The following UPF1 variants were observed in gnomAD, a reference collection of about 807,000 sequenced individuals.
UPF1 encodes the protein UPF1 RNA helicase and ATPase, also known as regulator of nonsense transcripts 1.
Under a neutral mutation model 129.2 loss-of-function variants are expected in UPF1, and 9 were observed. That is an observed-to-expected ratio of 0.07 (90% CI 0.04 to 0.12). The LOEUF (loss-of-function observed/expected upper bound fraction) is 0.12. UPF1 is among the 10% of genes least tolerant of loss of function. The probability of loss-of-function intolerance (pLI) is 1.00; values close to 1 mark genes in which losing one functional copy is unlikely to be tolerated. For missense variants in UPF1, 788 were observed against 1,525.3 expected (o/e 0.52, Z 8.05); for synonymous variants, 649 against 644.9 (o/e 1.01, Z -0.10).
chr19:18,855,418 A>G, intron 11 of UPF1, 176 bp downstream of exon 11: 1 of 727,414 alleles, frequency 1.4e-6, no homozygotes, highest in East Asian at 2.7e-5. Context: ...CTCCAACCTT[A>G]GGATTGCATT....
chr19:18,834,393 CTGGCATTCCGTT>C (rs1281671505), intron 1 of UPF1, among the ~76,000 whole-genome samples: 16 of 152,314 alleles, frequency 1.1e-4, no homozygotes, highest in Admixed American at 9.8e-4. Context: ...GCTTTTGTTT[CTGGCATTCCGTT>C]TGGGATTAAT....
intron 14 of UPF1, 66 bp downstream of exon 14, chr19:18,857,086 A>G (rs2055727138): frequency 1.3e-6 from 2 of 1,569,392 alleles, no homozygotes; most frequent in Non-Finnish European, 1.7e-6. Flanking sequence ...TTTGTCTTTT[A>G]AAACACCTTG....
At chr19:18,841,244 C>CT (rs908300286) in intron 1 of UPF1, among the ~76,000 whole-genome samples, 1 of 151,712 alleles carries the variant, frequency 6.6e-6, no homozygotes, top group Non-Finnish European at 1.5e-5. Flanking sequence ...TCCCTGTTTT[C>CT]TTTTTTTTTC....
At chr19:18,861,477 C>T (rs938654081) in intron 17 of UPF1, among the ~76,000 whole-genome samples, 10 of 152,304 alleles carry the variant, frequency 6.6e-5, no homozygotes, top group East Asian at 1.9e-4. Flanking sequence ...TTTTTGAGCA[C>T]GGCTCAGGTT....
chr19:18,842,677 T>C (rs1485291782), intron 1 of UPF1, among the ~76,000 whole-genome samples: 1 of 151,982 alleles, frequency 6.6e-6, no homozygotes, highest in Non-Finnish European at 1.5e-5. Context: ...CTCCCCTTTT[T>C]TTCCTTTACA....
At chr19:18,852,367 G>A (rs1026498834) in intron 6 of UPF1, 71 bp downstream of exon 6, 17 of 1,578,086 alleles carry the variant, frequency 1.1e-5, no homozygotes, top group Non-Finnish European at 1.4e-5. Flanking sequence ...GGCTTCCAGA[G>A]GGAGGTTTTC....
chr19:18,862,636 G>A (rs560549536), intron 18 of UPF1, among the ~76,000 whole-genome samples: 1 of 152,076 alleles, frequency 6.6e-6, no homozygotes, highest in Admixed American at 6.6e-5. Context: ...AGGTGTTCTC[G>A]ACCAGCCTAA....
At chr19:18,841,883 C>T (rs1033168028) in intron 1 of UPF1, among the ~76,000 whole-genome samples, 1 of 152,110 alleles carries the variant, frequency 6.6e-6, no homozygotes, top group African/African-American at 2.4e-5. Context: ...AGAGGGGAGG[C>T]GAGAGGCCCT....
In UPF1 at chr19:18,865,448, C is replaced by T; in HGVS notation, c.3017C>T (p.Ala1006Val). The T allele has an allele frequency of 6.2e-7, 1 of 1,613,070 alleles. No homozygotes were observed. The highest frequency in any genetic ancestry group is 8.5e-7 in the Non-Finnish European group (1 of 1,179,230). Residue 1006 changes from alanine (A) to valine (V), a missense_variant and splice_region_variant, in exon 21 of 24, where the codon GCA becomes GTA. Coordinates refer to ENST00000262803, the MANE Select transcript of UPF1 (RefSeq NM_002911.4). This position sits in a 1 kb window ranked among gnomAD's most constrained non-coding sequence, Gnocchi z 6.1. Reference protein sequence around the residue: ...GYFGQANGPAAGRGTPKGKTG... With the variant: ...GYFGQANGPAVGRGTPKGKTG... ...TTTGGACAAGCCAACGGGCCTGCTG[C>T]AGGTGAGCATCTGTGGCTGCGGCTG...
chr19:18,855,326 G>A (rs2055704733), intron 11 of UPF1, 84 bp downstream of exon 11: 4 of 1,472,774 alleles, frequency 2.7e-6, no homozygotes, highest in Non-Finnish European at 2.8e-6. Flanking sequence ...GGAGCCTTGG[G>A]CTCTGTCACA....
rs140502881 is a variant in UPF1, at chr19:18,850,132, C to T, written c.519C>T (p.Asp173=). The T allele has an allele frequency of 5.6e-6, 9 of 1,614,102 alleles. No individual in the cohort carries two copies. Among genetic ancestry groups the T allele is most frequent in the Admixed American group, 5.0e-5 (3 of 60,000 alleles). ...AKCKEVTLHK[D]GPLGETVLEC... ...GCAAAGAGGTGACCCTGCACAAGGA[C>T]GGGCCCCTGGGGGAGACAGTCCTGG... Residue 173 remains aspartate (D), a synonymous_variant, in exon 4 of 24, where the codon GAC becomes GAT. Coordinates refer to ENST00000262803, the MANE Select transcript of UPF1 (RefSeq NM_002911.4). This position sits in a 1 kb window ranked among gnomAD's most constrained non-coding sequence, Gnocchi z 7.1.
At position 18,866,171 on chromosome 19, in the gene UPF1, G is replaced by GC. The variant is rs1354349724; in HGVS notation, c.*3+11dup. On this transcript the variant is annotated splice_donor_region_variant and intron_variant, in intron 23 of 23. Coordinates refer to ENST00000262803, the MANE Select transcript of UPF1 (RefSeq NM_002911.4). ...GGGCTGTCCCAGTATTAAAAGGCAA[G>GC]CCCCCCTGGAGCAGGCCTGGCCCCA... The GC allele has an allele frequency of 3.8e-6, 6 of 1,587,690 alleles. No individual in the cohort carries two copies. The highest frequency in any genetic ancestry group is 2.7e-5 in the African/African-American group (2 of 74,172).
In UPF1 at chr19:18,860,513, T is replaced by C. The variant is rs757115; in HGVS notation, c.2300+75T>C. ...AGAGGTTGTTGACCCATTCTACTTA[T>C]TTTTAACATGGGACTGAAACTTTTT... On this transcript the variant is annotated intron_variant, in intron 16 of 23. Transcript: ENST00000262803. 0.38 allele frequency: 549,533 copies of C among 1,452,144 alleles called. 110,761 individuals carry two copies. Among genetic ancestry groups the C allele is most frequent in the Admixed American group, 0.52 (28,347 of 55,006 alleles). 90.0% of individuals were successfully genotyped at this position (1,452,144 alleles called of 1,614,324 possible). A position where few individuals can be genotyped will look rare whatever the true frequency, so the allele number is the denominator to read the frequency against.
chr19:18,855,753 TG>T, intron 11 of UPF1, 171 bp from the exon 12 acceptor site: 1 of 880,546 alleles, frequency 1.1e-6, no homozygotes, highest in Non-Finnish European at 1.7e-6. Context: ...GAGGCTGAGG[TG>T]GGAGGATTGC....
intron 1 of UPF1, among the ~76,000 whole-genome samples, chr19:18,838,233 G>A (rs2055503794): frequency 6.6e-6 from 1 of 152,230 alleles, no homozygotes; most frequent in Non-Finnish European, 1.5e-5. Flanking sequence ...CAGTACTTTG[G>A]GAGGCTGAGG....
intron 15 of UPF1, chr19:18,859,836 G>T (rs563050863): frequency 6.5e-6 from 1 of 153,506 alleles, no homozygotes; most frequent in South Asian, 2.0e-4. Flanking sequence ...TGCAGTGTTG[G>T]GCCCCGGCCC....
intron 18 of UPF1, chr19:18,863,162 C>G (rs1019249486): frequency 2.1e-5 from 8 of 377,752 alleles, no homozygotes; most frequent in Non-Finnish European, 3.4e-5. Context: ...GGCCGACTCT[C>G]TTGACAGCAG....
At chr19:18,839,907 G>A (rs2055523765) in intron 1 of UPF1, among the ~76,000 whole-genome samples, 1 of 152,218 alleles carries the variant, frequency 6.6e-6, no homozygotes, top group Admixed American at 6.5e-5. Context: ...GAAAGCCTGT[G>A]GGAATGGCGC....
Position 18,866,758 on chromosome 19 carries a change from A to G in UPF1, c.*241A>G, listed in dbSNP as rs1192801990. ...GGGCCGGCCCGCGGGAGCCGCGGCC[A>G]CCAGGAGGCCCCGCTCCGTCCCATC... On this transcript the variant is annotated 3_prime_UTR_variant, in exon 24 of 24. Coordinates refer to ENST00000262803, the MANE Select transcript of UPF1 (RefSeq NM_002911.4). 2 of 152,484 alleles carry G rather than the reference A, an allele frequency of 1.3e-5. No individual in the cohort carries two copies. Among genetic ancestry groups the G allele is most frequent in the Non-Finnish European group, 2.9e-5 (2 of 68,046 alleles). The allele number at this position is 152,484 out of a possible 1,614,324, so 9.4% of individuals were successfully genotyped here.
Sources: allele counts gnomAD v4.1 joint callset (sites outside exome capture counted in the v4.1 genomes callset), GRCh38; gene constraint gnomAD v4.1.1; non-coding constraint Gnocchi (gnomAD v3.1); transcripts MANE v1.5; gene names NCBI Gene and HGNC (gene_info 2026-07-23, HGNC 2026-07-21).